The following CAPN11 variants were observed in gnomAD, a reference collection of about 807,000 sequenced individuals.
CAPN11 encodes the protein calpain-11.
CAPN11 carries 108 observed loss-of-function variants against 105.3 expected under a neutral mutation model. The observed-to-expected ratio is 1.03, with a 90% CI of 0.88 to 1.20. The LOEUF (loss-of-function observed/expected upper bound fraction) is 1.20. Ranked by LOEUF, CAPN11 falls within the 50% of genes most tolerant of loss-of-function variation. CAPN11 has a pLI of 0.00. For synonymous variants in CAPN11, 329 were observed against 344.5 expected, an observed-to-expected ratio of 0.96 and a Z score of 0.50; for missense variants, 883 against 924.8, an observed-to-expected ratio of 0.95 and a Z score of 0.59.
intron 4 of CAPN11, among the ~76,000 whole-genome samples, chr6:44,171,685 T>TAA (rs66896901): frequency 2.0e-3 from 296 of 150,926 alleles, no homozygotes; most frequent in Non-Finnish European, 3.5e-3. Context: ...AAATTTACTT[T>TAA]AAAAAAAAAT....
intron 1 of CAPN11, among the ~76,000 whole-genome samples, chr6:44,159,521 C>T (rs1331032008): frequency 6.6e-6 from 1 of 151,998 alleles, no homozygotes; most frequent in Non-Finnish European, 1.5e-5. Flanking sequence ...CACCGTGAGA[C>T]CATGGGCCCC....
intron 1 of CAPN11, 107 bp from the exon 2 acceptor site, chr6:44,166,651 A>C: frequency 1.2e-6 from 1 of 814,676 alleles, no homozygotes. Flanking sequence ...GCCCCAACCC[A>C]GTTCTTTTCC....
At position 44,177,306 on chromosome 6, in the gene CAPN11, C is replaced by A; in HGVS notation, c.1302C>A (p.Asp434Glu). The A allele has an allele frequency of 6.2e-7, 1 of 1,613,528 alleles. No homozygotes were observed. The highest frequency in any genetic ancestry group is 8.5e-7 in the Non-Finnish European group (1 of 1,179,718). ...SLPEGDDPED[D>E]AEGNVVVCTC... ...CTGAGGGGGATGACCCAGAGGATGA[C>A]GCAGAGGGCAATGTTGTGGTCTGCA... Residue 434 changes from aspartate (D) to glutamate (E), a missense_variant, in exon 12 of 23, where the codon GAC becomes GAA. Physicochemically the swap from Asp to Glu is conservative, Grantham distance 45 (BLOSUM62 2). Coordinates refer to ENST00000398776, the MANE Select transcript of CAPN11 (RefSeq NM_007058.4).
rs370572396 is a variant in CAPN11 at position 44,173,382 on chromosome 6, T to A, written c.827T>A (p.Ile276Asn). 1.9e-6 allele frequency: 3 copies of A among 1,604,766 alleles called. No individual in the cohort carries two copies. The African/African-American group carries it at 4.0e-5, about 21-fold the overall frequency. ...CGATCCTCCCTCATGGGTTGCTCCA[T>A]TGAAGTAAGCAAAGCATGGTCCCAC... ...VERSSLMGCSIEVTSDSELES... is the reference protein window; with the variant it reads ...VERSSLMGCSNEVTSDSELES... The change falls in exon 7 of 23, where the codon ATT (isoleucine) becomes AAT (asparagine). Residue 276 changes from isoleucine (I) to asparagine (N), a missense_variant. Ile to Asn is a moderately radical substitution (Grantham distance 149). Coordinates refer to ENST00000398776, the MANE Select transcript of CAPN11 (RefSeq NM_007058.4).
chr6:44,182,961 C>T lies in CAPN11; in HGVS notation c.1959C>T (p.Asp653=). ...KKWMDIFREC[D]QDHSGTLNSY... is the part of the protein sequence containing the mutation. ...TTCAGGACATCTTCAGAGAGTGTGA[C>T]CAGGACCATTCAGGCACCTTGAACT... The change falls in exon 20 of 23, where the codon GAC becomes GAT. Residue 653 remains aspartate (D), a synonymous_variant. Coordinates refer to ENST00000398776, the MANE Select transcript of CAPN11 (RefSeq NM_007058.4). 3.1e-6 allele frequency: 5 copies of T among 1,609,944 alleles called. No homozygotes were observed. The Admixed American group carries it at 8.4e-5, about 27-fold the overall frequency.
chr6:44,184,106 C>A lies in CAPN11; in HGVS notation c.*174C>A. ...GTGTTTACTGCAGCAGTGGGACCTC[C>A]GTGCCCACTCCCCCAGCTCAGAGGC... On this transcript the variant is annotated 3_prime_UTR_variant, in exon 23 of 23. Coordinates refer to ENST00000398776, the MANE Select transcript of CAPN11 (RefSeq NM_007058.4). 3 of 644,526 alleles carry A rather than the reference C, an allele frequency of 4.7e-6. No individual in the cohort carries two copies. The highest frequency in any genetic ancestry group is 5.4e-6 in the Non-Finnish European group (2 of 372,462). 39.9% of individuals were successfully genotyped at this position (644,526 alleles called of 1,614,324 possible).
chr6:44,170,089 C>G lies in CAPN11; in HGVS notation c.409+114C>G, dbSNP rs1770705285. ...AGCCCTGAGGTCAGACAGCCTGCTT[C>G]TGTTCCCCTGTCCCTCCCCTTCTGA... On this transcript the variant is annotated intron_variant, in intron 4 of 22. Transcript: ENST00000398776. 7 of 750,654 alleles carry G rather than the reference C, an allele frequency of 9.3e-6. No homozygotes were observed. In the Admixed American group the frequency reaches 1.4e-4, roughly 15 times the overall value. 46.5% of individuals were successfully genotyped at this position (750,654 alleles called of 1,614,324 possible).
At chr6:44,181,052 C>CA in intron 18 of CAPN11, 55 bp downstream of exon 18, 1 of 1,515,184 alleles carries the variant, frequency 6.6e-7, no homozygotes, top group Non-Finnish European at 9.2e-7. Flanking sequence ...AAGCCTGGCC[C>CA]AGAGATGGCC....
At chr6:44,183,603 C>T (rs750894648) in intron 21 of CAPN11, 102 bp from the exon 22 acceptor site, 1 of 1,070,102 alleles carries the variant, frequency 9.3e-7, no homozygotes, top group Non-Finnish European at 1.4e-6. Context: ...GGGGAACAGC[C>T]AGGAACACCT....
chr6:44,176,947 G>T lies in CAPN11; in HGVS notation c.1186G>T (p.Glu396Ter). 1.2e-6 allele frequency: 2 copies of T among 1,613,884 alleles called. No individual in the cohort carries two copies. The highest frequency in any genetic ancestry group is 2.2e-5 in the East Asian group (1 of 44,876). ...GAGCTACTGGCACACCACCTTCTAC[G>T]AGGGCAGCTGGCGCAGAGGCAGCTC... is the stretch of plus-strand genomic sequence containing the variant. ...YKSYWHTTFY[E>*]GSWRRGSSAG... Residue 396 changes from glutamate to a stop codon, truncating the protein, a stop_gained, in exon 11 of 23, where the codon GAG becomes TAG. Transcript: ENST00000398776. LOFTEE classifies it high-confidence loss of function.
In CAPN11 at chr6:44,180,127, T is replaced by A; in HGVS notation, c.1604T>A (p.Leu535Gln). 1 of 1,613,378 alleles carries A rather than the reference T, an allele frequency of 6.2e-7. No individual in the cohort carries two copies. Among genetic ancestry groups the A allele is most frequent in the African/African-American group, 1.3e-5 (1 of 74,972 alleles). ...GAGCCACACAGAGATGCTGACTTCC[T>A]GCTTCGGGTCTTCACCGAGAAGCAC... Reference protein sequence around the residue: ...TFEPHRDADFLLRVFTEKHSE... With the variant: ...TFEPHRDADFQLRVFTEKHSE... The change falls in exon 14 of 23, where the codon CTG becomes CAG. Residue 535 changes from leucine (L) to glutamine (Q), a missense_variant. By Grantham distance (113) the Leu-to-Gln change is moderately radical. Transcript: ENST00000398776.
rs750889252 is a variant in CAPN11 at position 44,169,393 on chromosome 6, G to T, written c.201G>T (p.Glu67Asp). ...AGAACTTTGGTAACCAGAGCTTTGA[G>T]GAGCTGCGAGCAGCCTGTCTAAGAA... ...NAQNFGNQSFEELRAACLRKG... is the reference protein window; with the variant it reads ...NAQNFGNQSFDELRAACLRKG... Residue 67 changes from glutamate (E) to aspartate (D), a missense_variant, in exon 3 of 23, where the codon GAG (glutamate) becomes GAT (aspartate). By Grantham distance (45) the Glu-to-Asp change is conservative. Coordinates refer to ENST00000398776, the MANE Select transcript of CAPN11 (RefSeq NM_007058.4). The T allele has an allele frequency of 1.9e-6, 3 of 1,613,866 alleles. No individual in the cohort carries two copies. The South Asian group carries it at 3.3e-5, about 18-fold the overall frequency.
rs71544466 is a variant in CAPN11, at chr6:44,182,275, C to T, written c.1939-666C>T. 3.7e-4 allele frequency among the ~76,000 whole-genome samples: 33 copies of T among 88,780 alleles called. 3 individuals carry two copies. Among genetic ancestry groups the T allele is most frequent in the East Asian group, 1.4e-3 (5 of 3,464 alleles). 58.2% of individuals were successfully genotyped at this position (88,780 alleles called of 152,430 possible). ...CACCACACACACACACACATACAGA[C>T]ACAACCACACCACACACACACACAC... On this transcript the variant is annotated intron_variant, in intron 19 of 22. Transcript: ENST00000398776.
In CAPN11 at chr6:44,158,828, A is replaced by T. The variant is rs1330527844; in HGVS notation, c.-21A>T. On this transcript the variant is annotated 5_prime_UTR_variant, in exon 1 of 23. In the 5' UTR this introduces an upstream ATG that the reference lacks. Transcript: ENST00000398776. ...CTCCCACCAGAACCTTCAACTGTCA[A>T]GCACCGAGCTAGCCACCAGCATGCT... The T allele has an allele frequency of 6.4e-7, 1 of 1,551,174 alleles. No individual in the cohort carries two copies. Among genetic ancestry groups the T allele is most frequent in the South Asian group, 1.2e-5 (1 of 84,038 alleles).
intron 4 of CAPN11, 117 bp from the exon 5 acceptor site, chr6:44,172,185 G>A (rs901246967): frequency 4.3e-5 from 25 of 580,392 alleles, no homozygotes; most frequent in Admixed American, 2.7e-4. Context: ...CCTCTCCGCC[G>A]GGGGGGTGAG....
At chr6:44,166,685 C>G in intron 1 of CAPN11, 73 bp from the exon 2 acceptor site, 1 of 1,143,110 alleles carries the variant, frequency 8.7e-7, no homozygotes, top group Admixed American at 2.0e-5. Context: ...TTCCTACACC[C>G]CAGCCCCAGC....
At chr6:44,177,173 G>C in intron 11 of CAPN11, 69 bp from the exon 12 acceptor site, 1 of 1,508,760 alleles carries the variant, frequency 6.6e-7, no homozygotes, top group Non-Finnish European at 8.9e-7. Flanking sequence ...GGGGAAGCTC[G>C]GTCCACCCTG....
At chr6:44,159,906 A>G (rs1431946605) in intron 1 of CAPN11, among the ~76,000 whole-genome samples, 1 of 151,330 alleles carries the variant, frequency 6.6e-6, no homozygotes, top group Admixed American at 6.6e-5. Flanking sequence ...AGGCCAAGGC[A>G]GGTGGATCAT....
intron 4 of CAPN11, among the ~76,000 whole-genome samples, chr6:44,170,568 G>C (rs1770811793): frequency 6.6e-6 from 1 of 152,210 alleles, no homozygotes; most frequent in Non-Finnish European, 1.5e-5. Flanking sequence ...ATCTAAGAGA[G>C]AGGACAAGGA....
Sources: allele counts gnomAD v4.1 joint callset (sites outside exome capture counted in the v4.1 genomes callset), GRCh38; gene constraint gnomAD v4.1.1; transcripts MANE v1.5; gene names NCBI Gene and HGNC (gene_info 2026-07-23, HGNC 2026-07-21).